MORN1: variants seen among roughly 807,000 people sequenced by gnomAD.
MORN1 encodes MORN repeat containing 1, also known as MORN repeat-containing protein 1.
A neutral mutation model predicts 61.9 loss-of-function variants in MORN1; 67 were observed. That is an observed-to-expected ratio of 1.08 (90% CI 0.89 to 1.33). MORN1 has a LOEUF of 1.33. Ranked by LOEUF, MORN1 falls within the 40% of genes most tolerant of loss-of-function variation. The probability of loss-of-function intolerance (pLI) is 0.00; values close to 1 mark genes in which losing one functional copy is unlikely to be tolerated. For synonymous variants in MORN1, 301 were observed against 292.0 expected (o/e 1.03, Z -0.31); for missense variants, 752 against 691.2 (o/e 1.09, Z -0.99).
chr1:2,385,893 G>A lies in MORN1; in HGVS notation c.363C>T (p.His121=), dbSNP rs975968651. The part of the protein sequence containing the change: ...GEVSHGMREG[H]GFLVDRDGQV... ...GTCCATCCCGGTCCACCAGAAACCC[G>A]TGTCCTGGAGAAGGGACCGAGAGAC... is the stretch of plus-strand genomic sequence containing the variant. The change falls in exon 5 of 14, where the codon CAC becomes CAT. Residue 121 remains histidine (H), a synonymous_variant. Coordinates refer to ENST00000378531, the MANE Select transcript of MORN1 (RefSeq NM_024848.3). The A allele has an allele frequency of 1.7e-5, 27 of 1,613,750 alleles. No homozygotes were observed. The highest frequency in any genetic ancestry group is 5.3e-5 in the African/African-American group (4 of 74,936).
chr1:2,363,762 C>CAAAAA (rs373554325), intron 8 of MORN1: 37,500 of 123,266 alleles, frequency 0.3, 6,187 homozygotes, highest in South Asian at 0.38. Flanking sequence ...GACCTTGTCT[C>CAAAAA]AAAAAAGAAA....
At chr1:2,389,124 A>AAG (rs1168149395) in intron 2 of MORN1, among the ~76,000 whole-genome samples, 4 of 112,322 alleles carry the variant, frequency 3.6e-5, no homozygotes, top group African/African-American at 2.8e-5. Flanking sequence ...AAAAAAAAAA[A>AAG]AAAAGAAAAA....
chr1:2,382,089 G>A (rs1038347123), intron 6 of MORN1, among the ~76,000 whole-genome samples: 1 of 152,152 alleles, frequency 6.6e-6, no homozygotes, highest in Non-Finnish European at 1.5e-5. Flanking sequence ...AACAGCCTCT[G>A]GGGACAGGGC....
chr1:2,341,041 G>A (rs1332501081), intron 10 of MORN1, among the ~76,000 whole-genome samples: 1 of 152,238 alleles, frequency 6.6e-6, no homozygotes. Flanking sequence ...TCTGGCCCTG[G>A]CACTGCTACT....
intron 6 of MORN1, chr1:2,377,679 C>T (rs1642273225): frequency 6.6e-6 from 1 of 152,460 alleles, no homozygotes; most frequent in Admixed American, 6.5e-5. Flanking sequence ...CAGGCATCCA[C>T]CCTCCCCTGG....
chr1:2,323,666 G>C (rs977673048), intron 13 of MORN1: 1 of 985,032 alleles, frequency 1.0e-6, no homozygotes, highest in Admixed American at 6.2e-5. Flanking sequence ...CAGCCCCCAC[G>C]CTGGGAGGAG....
intron 12 of MORN1, among the ~76,000 whole-genome samples, chr1:2,324,695 G>A (rs377646701): frequency 1.1e-3 from 161 of 152,284 alleles, no homozygotes; most frequent in African/African-American, 3.6e-3. Flanking sequence ...GGGCCCAGGG[G>A]TCCTGCCGGG....
At chr1:2,360,641 G>A (rs1027557733) in intron 8 of MORN1, among the ~76,000 whole-genome samples, 1 of 152,200 alleles carries the variant, frequency 6.6e-6, no homozygotes, top group African/African-American at 2.4e-5. Flanking sequence ...GTAGAGGGAG[G>A]ACCCTGAGTA....
rs112058607 is a variant in MORN1 at position 2,325,548 on chromosome 1, T to C, written c.1251-1405A>G. 4.8e-3 allele frequency among the ~76,000 whole-genome samples: 724 copies of C among 151,916 alleles called. 9 individuals carry two copies. Among genetic ancestry groups the C allele is most frequent in the African/African-American group, 0.016 (645 of 41,430 alleles). On this transcript the variant is annotated intron_variant, in intron 12 of 13. Coordinates refer to ENST00000378531, the MANE Select transcript of MORN1 (RefSeq NM_024848.3). ...AATTTTTAGAGAGGAGGTCTCACTA[T>C]GTTGCCCAGGTTGGTCTCAAACTCC...
intron 10 of MORN1, among the ~76,000 whole-genome samples, chr1:2,339,453 C>T (rs962946372): frequency 3.9e-5 from 6 of 152,298 alleles, no homozygotes; most frequent in East Asian, 1.9e-4. Flanking sequence ...CCGCCTTTCC[C>T]GAGGCCGGCA....
chr1:2,325,132 TTCCCTCCC>T (rs779634245), intron 12 of MORN1, among the ~76,000 whole-genome samples: 4,176 of 19,202 alleles, frequency 0.22, 457 homozygotes, highest in East Asian at 0.28. Flanking sequence ...CCTTCCTTCC[TTCCCTCCC>T]TCCCTCCCTT....
chr1:2,390,591 G>T, intron 1 of MORN1: 1 of 985,370 alleles, frequency 1.0e-6, no homozygotes, highest in African/African-American at 1.7e-5. Context: ...TGTGGGCAGG[G>T]TTTATGGGAA....
At chr1:2,377,092 G>C (rs967913600) in intron 6 of MORN1, 1 of 152,418 alleles carries the variant, frequency 6.6e-6, no homozygotes, top group Non-Finnish European at 1.5e-5. Flanking sequence ...CTGGGACCGA[G>C]GAATGGGCAT....
intron 10 of MORN1, among the ~76,000 whole-genome samples, chr1:2,353,959 T>A (rs1288558122): frequency 6.6e-6 from 1 of 152,138 alleles, no homozygotes; most frequent in African/African-American, 2.4e-5. Flanking sequence ...CAGTCCTAAA[T>A]GGGATTACGG....
intron 5 of MORN1, chr1:2,385,404 A>G (rs1642471130): frequency 4.7e-6 from 2 of 426,440 alleles, no homozygotes; most frequent in South Asian, 5.4e-5. Flanking sequence ...GGGAATTTCC[A>G]CACGGGCTGA....
rs1362428548 is a variant in MORN1, at chr1:2,372,192, A to G, written c.745+289T>C. On this transcript the variant is annotated intron_variant, in intron 8 of 13. Transcript: ENST00000378531. This position sits in a 1 kb window ranked among gnomAD's most constrained non-coding sequence, Gnocchi z 5.4. ...CACGCGTGCCCCCCCACACGTATACACATTCAGACCTGTGCACACCTGTGC... is the reference window on the plus strand; with the variant it reads ...CACGCGTGCCCCCCCACACGTATACGCATTCAGACCTGTGCACACCTGTGC... 3.0e-6 allele frequency: 1 copy of G among 337,014 alleles called. No homozygotes were observed. The highest frequency in any genetic ancestry group is 5.6e-6 in the Non-Finnish European group (1 of 178,752). The allele number at this position is 337,014 out of a possible 1,614,324, so 20.9% of individuals were successfully genotyped here.
intron 8 of MORN1, among the ~76,000 whole-genome samples, chr1:2,361,182 T>A (rs1254323221): frequency 6.6e-6 from 1 of 152,218 alleles, no homozygotes; most frequent in African/African-American, 2.4e-5. Context: ...GATGTTAGAA[T>A]CAGCAGTAGA....
At chr1:2,322,556 GA>G (rs111436860) in intron 13 of MORN1, 64,510 of 875,636 alleles carry the variant, frequency 0.074, 1,323 homozygotes, top group East Asian at 0.17. Context: ...AGCTCCTTTA[GA>G]AAAAAAAAAA....
intron 10 of MORN1, among the ~76,000 whole-genome samples, chr1:2,346,723 C>A (rs1022234339): frequency 6.6e-6 from 1 of 152,218 alleles, no homozygotes; most frequent in African/African-American, 2.4e-5. Context: ...AAAAGCACCC[C>A]CTTCTCCTTC....
Sources: allele counts gnomAD v4.1 joint callset (sites outside exome capture counted in the v4.1 genomes callset), GRCh38; gene constraint gnomAD v4.1.1; non-coding constraint Gnocchi (gnomAD v3.1); transcripts MANE v1.5; gene names NCBI Gene and HGNC (gene_info 2026-07-23, HGNC 2026-07-21).